SCML2: variants seen among roughly 807,000 people sequenced by gnomAD.
SCML2 encodes the protein Scm polycomb group protein like 2, also known as sex comb on midleg-like protein 2.
SCML2 carries 6 observed loss-of-function variants against 48.4 expected under a neutral mutation model. That is an observed-to-expected ratio of 0.12 (90% CI 0.07 to 0.24). SCML2 has a LOEUF of 0.24. Ranked by LOEUF, SCML2 falls within the 10% of genes least tolerant of loss-of-function variation. SCML2 has a pLI of 1.00. For synonymous variants in SCML2, 181 were observed against 189.5 expected, an observed-to-expected ratio of 0.95 and a Z score of 0.37; for missense variants, 377 against 528.2, an observed-to-expected ratio of 0.71 and a Z score of 2.81.
chrX:18,252,710 C>A (rs1926706927), intron 11 of SCML2, among the ~76,000 whole-genome samples: 1 of 112,370 alleles, frequency 8.9e-6, no homozygotes, highest in African/African-American at 3.2e-5. Flanking sequence ...TATTTTTTCC[C>A]TGTAGGAATC....
intron 5 of SCML2, among the ~76,000 whole-genome samples, chrX:18,321,183 CT>C (rs1411657925): frequency 9.0e-6 from 1 of 111,583 alleles, no homozygotes; most frequent in Non-Finnish European, 1.9e-5. Context: ...AAAGACAGCT[CT>C]CACTTTAGCA....
At chrX:18,246,227 T>C (rs1926439853) in intron 13 of SCML2, among the ~76,000 whole-genome samples, 1 of 112,133 alleles carries the variant, frequency 8.9e-6, no homozygotes, top group Non-Finnish European at 1.9e-5. Flanking sequence ...CGAAGAAAAG[T>C]GTACAACAGA....
At chrX:18,338,919 TAA>T (rs374703842) in intron 1 of SCML2, among the ~76,000 whole-genome samples, 16 of 76,370 alleles carry the variant, frequency 2.1e-4, no homozygotes, top group Admixed American at 2.8e-4. Context: ...CCTGTCTCAT[TAA>T]AAAAAAAAAA....
intron 7 of SCML2, among the ~76,000 whole-genome samples, chrX:18,284,874 C>T (rs909225378): frequency 5.4e-5 from 6 of 111,513 alleles, no homozygotes; most frequent in Admixed American, 1.9e-4. Context: ...AACCCCGTCT[C>T]GCACTAAAAA....
At chrX:18,252,772 C>A (rs1290748582) in intron 11 of SCML2, among the ~76,000 whole-genome samples, 1 of 112,190 alleles carries the variant, frequency 8.9e-6, no homozygotes, top group African/African-American at 3.2e-5. Context: ...GGCAGAGGGC[C>A]ATACCTAGGC....
At chrX:18,312,144 T>A (rs1471784234) in intron 6 of SCML2, among the ~76,000 whole-genome samples, 1 of 111,970 alleles carries the variant, frequency 8.9e-6, no homozygotes, top group African/African-American at 3.2e-5. Context: ...TGATAGCCTG[T>A]AAAGTTATAA....
chrX:18,270,701 C>T (rs952207553), intron 7 of SCML2, among the ~76,000 whole-genome samples: 1 of 110,568 alleles, frequency 9.0e-6, no homozygotes, highest in Non-Finnish European at 1.9e-5. Flanking sequence ...TACATATATA[C>T]ACACACACAC....
At chrX:18,338,990 T>G (rs181589472) in intron 1 of SCML2, among the ~76,000 whole-genome samples, 294 of 108,115 alleles carry the variant, frequency 2.7e-3, no homozygotes, top group African/African-American at 9.4e-3. Flanking sequence ...CTCAAACAAG[T>G]AGAAGCTCAA....
rs143381840 is a variant in SCML2 at position 18,260,697 on chromosome X, G to A, written c.949-406C>T. 1.5e-3 allele frequency among the ~76,000 whole-genome samples: 168 copies of A among 109,956 alleles called. 1 individual carries two copies. Among genetic ancestry groups the A allele is most frequent in the Non-Finnish European group, 2.7e-3 (145 of 53,220 alleles). On this transcript the variant is annotated intron_variant, in intron 8 of 14. Coordinates refer to ENST00000251900, the MANE Select transcript of SCML2 (RefSeq NM_006089.3). ...CCAATAGAAAAAAAATCTCAGCAAGGCAGAGGACAGAGTTTATTTTCAGAA... is the reference window on the plus strand; with the variant it reads ...CCAATAGAAAAAAAATCTCAGCAAGACAGAGGACAGAGTTTATTTTCAGAA...
intron 1 of SCML2, among the ~76,000 whole-genome samples, chrX:18,337,478 C>T (rs772224324): frequency 1.8e-5 from 2 of 108,801 alleles, no homozygotes; most frequent in African/African-American, 3.3e-5. Context: ...ATACTAATTT[C>T]GGACAGAGCA....
intron 6 of SCML2, among the ~76,000 whole-genome samples, chrX:18,312,208 C>G (rs980892053): frequency 3.6e-5 from 4 of 111,934 alleles, no homozygotes; most frequent in Non-Finnish European, 7.5e-5. Context: ...TTGAAAAAGA[C>G]AGCTTGTACC....
At chrX:18,350,728 G>A (rs1291550249) in intron 1 of SCML2, among the ~76,000 whole-genome samples, 2 of 111,433 alleles carry the variant, frequency 1.8e-5, no homozygotes, top group East Asian at 5.6e-4. Flanking sequence ...GGGTAACAGA[G>A]CAAGACTCCG....
intron 7 of SCML2, among the ~76,000 whole-genome samples, chrX:18,270,719 T>C (rs1312803194): frequency 7.2e-5 from 8 of 111,246 alleles, no homozygotes; most frequent in Admixed American, 1.9e-4. Context: ...CACACCATGC[T>C]GAAACTCTAT....
chrX:18,249,183 G>C (rs1352513212), intron 11 of SCML2, among the ~76,000 whole-genome samples: 1 of 111,690 alleles, frequency 9.0e-6, no homozygotes, highest in Non-Finnish European at 1.9e-5. Context: ...CAAAACTCTG[G>C]AAATTAAAGA....
Position 18,257,033 on chromosome X carries a change from A to AT in SCML2, c.1274-4dup, listed in dbSNP as rs970909040. 1 of 1,141,790 alleles carries AT rather than the reference A, an allele frequency of 8.8e-7. No individual in the cohort carries two copies. The highest frequency in any genetic ancestry group is 1.8e-5 in the African/African-American group (1 of 54,277). 94.1% of individuals were successfully genotyped at this position (1,141,790 alleles called of 1,213,427 possible). The stretch of plus-strand genomic sequence containing the variant: ...ATGAGTTTCCCCATCAAAGGAGGCT[A>AT]TTGGGGGAAAAAAAAGGATGTCAGT... On this transcript the variant is annotated splice_polypyrimidine_tract_variant and splice_region_variant and intron_variant, in intron 10 of 14. Coordinates refer to ENST00000251900, the MANE Select transcript of SCML2 (RefSeq NM_006089.3).
intron 1 of SCML2, among the ~76,000 whole-genome samples, chrX:18,339,743 A>T: frequency 9.0e-6 from 1 of 111,370 alleles, no homozygotes; most frequent in Non-Finnish European, 1.9e-5. Context: ...ATTAAAAAGA[A>T]GAGAAGGTGG....
chrX:18,287,667 T>C (rs374046742), intron 7 of SCML2, among the ~76,000 whole-genome samples: 5 of 111,986 alleles, frequency 4.5e-5, no homozygotes, highest in African/African-American at 1.6e-4. Flanking sequence ...TAAATTAAAA[T>C]AAGAAAATCT....
chrX:18,315,101 C>CAAAAAAAAAAAA (rs761378739), intron 6 of SCML2, among the ~76,000 whole-genome samples: 1 of 23,446 alleles, frequency 4.3e-5, no homozygotes, highest in African/African-American at 1.4e-4. Context: ...TCTGTCTCAC[C>CAAAAAAAAAAAA]AAAAAAAAAA....
At chrX:18,327,573 C>A (rs1325922413) in intron 3 of SCML2, among the ~76,000 whole-genome samples, 1 of 111,693 alleles carries the variant, frequency 9.0e-6, no homozygotes, top group Non-Finnish European at 1.9e-5. Flanking sequence ...AATTCATCTC[C>A]ATAACACAAA....
Sources: gnomAD v4.1 joint callset for allele counts (sites outside exome capture counted in the v4.1 genomes callset) on GRCh38, gnomAD v4.1.1 for gene constraint, MANE v1.5 for transcripts, NCBI Gene and HGNC (gene_info 2026-07-23, HGNC 2026-07-21) for gene names.